Variants in FAM193A observed in about 807,000 individuals in gnomAD.
FAM193A encodes protein FAM193A.
FAM193A carries 22 observed loss-of-function variants against 126.5 expected under a neutral mutation model. The observed-to-expected ratio is 0.17, with a 90% CI of 0.12 to 0.25. The LOEUF (loss-of-function observed/expected upper bound fraction) is 0.25, where lower values mean the gene tolerates loss of function less well. Among genes scored for constraint, FAM193A ranks in the 10% least tolerant of loss-of-function variants. The probability of loss-of-function intolerance (pLI) is 1.00; values close to 1 mark genes in which losing one functional copy is unlikely to be tolerated. For missense variants in FAM193A, 1,675 were observed against 1,672.8 expected (o/e 1.00, Z -0.02); for synonymous variants, 761 against 646.8 (o/e 1.18, Z -2.68).
At chr4:2,657,596 A>T (rs921746246) in intron 7 of FAM193A, among the ~76,000 whole-genome samples, 1 of 152,188 alleles carries the variant, frequency 6.6e-6, no homozygotes, top group African/African-American at 2.4e-5. Flanking sequence ...TCTGTCTTTC[A>T]TGTGAGAAAA....
At chr4:2,547,973 T>G (rs1275265886) in intron 1 of FAM193A, among the ~76,000 whole-genome samples, 1 of 152,072 alleles carries the variant, frequency 6.6e-6, no homozygotes, top group Non-Finnish European at 1.5e-5. Context: ...AGTTTTAATT[T>G]GCATCTCCCT....
intron 13 of FAM193A, among the ~76,000 whole-genome samples, chr4:2,680,153 G>A (rs1252577343): frequency 1.3e-5 from 2 of 152,098 alleles, no homozygotes; most frequent in Admixed American, 6.6e-5. Context: ...GAGCCACTGC[G>A]CCCAGCCTAT....
intron 1 of FAM193A, 97 bp from the exon 2 acceptor site, chr4:2,595,985 CAT>C: frequency 1.6e-6 from 1 of 606,938 alleles, no homozygotes; most frequent in African/African-American, 1.8e-5. Flanking sequence ...TGTATATAAA[CAT>C]ACACATGCAT....
At chr4:2,599,267 T>C (rs1040244250) in intron 2 of FAM193A, among the ~76,000 whole-genome samples, 3 of 152,112 alleles carry the variant, frequency 2.0e-5, no homozygotes, top group African/African-American at 7.2e-5. Context: ...TTCCTTCCTC[T>C]GTCAAAGGTG....
chr4:2,625,777 AGGGCAGT>A (rs1240871862), intron 3 of FAM193A, among the ~76,000 whole-genome samples: 17 of 122,932 alleles, frequency 1.4e-4, no homozygotes, highest in African/African-American at 5.5e-4. Context: ...CCCAGGCCGG[AGGGCAGT>A]GGCGTGATCT....
At chr4:2,640,310 G>A (rs1340468701) in intron 6 of FAM193A, among the ~76,000 whole-genome samples, 2 of 152,138 alleles carry the variant, frequency 1.3e-5, no homozygotes, top group Non-Finnish European at 2.9e-5. Flanking sequence ...TCTGTCTCCT[G>A]GTGTAGCGCA....
chr4:2,710,087 G>A (rs1240041633), intron 19 of FAM193A, among the ~76,000 whole-genome samples: 1 of 148,282 alleles, frequency 6.7e-6, no homozygotes, highest in Non-Finnish European at 1.5e-5. Context: ...TTTTGCTTAA[G>A]TTAATAGTTT....
At chr4:2,544,551 A>C (rs768700727) in intron 1 of FAM193A, among the ~76,000 whole-genome samples, 22 of 152,030 alleles carry the variant, frequency 1.4e-4, no homozygotes, top group Non-Finnish European at 2.8e-4. Context: ...AAAATACAAA[A>C]AAATTAGCTG....
chr4:2,617,838 T>C (rs1489118498), intron 2 of FAM193A, among the ~76,000 whole-genome samples: 1 of 152,208 alleles, frequency 6.6e-6, no homozygotes, highest in Admixed American at 6.5e-5. Flanking sequence ...TAGCGAATTA[T>C]CTTTTAAAAA....
chr4:2,537,739 T>A (rs1736975449), intron 1 of FAM193A, among the ~76,000 whole-genome samples: 1 of 152,230 alleles, frequency 6.6e-6, no homozygotes, highest in Admixed American at 6.5e-5. Flanking sequence ...TTGGTCCTCC[T>A]ATGTGGTTAT....
intron 5 of FAM193A, among the ~76,000 whole-genome samples, chr4:2,631,523 A>G (rs1235499485): frequency 6.6e-6 from 1 of 152,192 alleles, no homozygotes; most frequent in Non-Finnish European, 1.5e-5. Context: ...TAGGTTGTTC[A>G]TTCTTTCGTT....
chr4:2,631,280 A>T, intron 5 of FAM193A, 111 bp downstream of exon 5: 2 of 900,356 alleles, frequency 2.2e-6, no homozygotes, highest in Non-Finnish European at 3.4e-6. Flanking sequence ...ACCCCCACAC[A>T]CTGTGATAGG....
chr4:2,558,186 C>T (rs528931298), intron 1 of FAM193A, among the ~76,000 whole-genome samples: 2 of 151,334 alleles, frequency 1.3e-5, no homozygotes, highest in South Asian at 2.1e-4. Context: ...GCAGGAGAAT[C>T]GCTTGAACCG....
At chr4:2,570,702 T>C in intron 1 of FAM193A, among the ~76,000 whole-genome samples, 1 of 152,106 alleles carries the variant, frequency 6.6e-6, no homozygotes, top group Non-Finnish European at 1.5e-5. Context: ...AGTGTCTCTG[T>C]AGGGGGACCA....
chr4:2,578,240 G>A (rs1008579721), intron 1 of FAM193A, among the ~76,000 whole-genome samples: 2 of 151,974 alleles, frequency 1.3e-5, no homozygotes, highest in African/African-American at 4.8e-5. Flanking sequence ...TCCTAATAAA[G>A]TACTCTGTTA....
chr4:2,635,768 C>A (rs1296645905), intron 5 of FAM193A, among the ~76,000 whole-genome samples: 6 of 152,172 alleles, frequency 3.9e-5, no homozygotes, highest in African/African-American at 1.4e-4. Context: ...GAACTCCTGA[C>A]CTCAGGTGAT....
At chr4:2,691,827 A>G (rs1369284257) in intron 15 of FAM193A, among the ~76,000 whole-genome samples, 1 of 152,136 alleles carries the variant, frequency 6.6e-6, no homozygotes, top group Admixed American at 6.5e-5. Flanking sequence ...GCATACAAAT[A>G]AAGTCAAGAA....
chr4:2,640,882 T>C (rs990304253), intron 6 of FAM193A, among the ~76,000 whole-genome samples: 1 of 151,278 alleles, frequency 6.6e-6, no homozygotes, highest in Non-Finnish European at 1.5e-5. Context: ...AGAGAATTGC[T>C]TGAACCCCAG....
Position 2,544,435 on chromosome 4 carries a change from G to A in FAM193A, c.255+7265G>A, listed in dbSNP as rs1454835469. Among the ~76,000 whole-genome samples, 3 of 152,090 alleles carry A rather than the reference G, an allele frequency of 2.0e-5. No individual in the cohort carries two copies. The East Asian group carries it at 5.8e-4, about 29-fold the overall frequency. ...CTAATTAGCCTGGCCAGGCGCTGTG[G>A]CTCACACCTGTAATCCCAGCACTTT... On this transcript the variant is annotated intron_variant, in intron 1 of 20. Transcript: ENST00000637812.
Sources: allele counts gnomAD v4.1 joint callset (sites outside exome capture counted in the v4.1 genomes callset), GRCh38; gene constraint gnomAD v4.1.1; transcripts MANE v1.5; gene names NCBI Gene and HGNC (gene_info 2026-07-23, HGNC 2026-07-21).